The following SPAG17 variants were observed in gnomAD, a reference collection of about 807,000 sequenced individuals.
The protein encoded by SPAG17 is sperm-associated antigen 17.
In SPAG17, 169 loss-of-function variants were observed where a neutral mutation model predicts 273.6. That is an observed-to-expected ratio of 0.62 (90% CI 0.55 to 0.70). The LOEUF (loss-of-function observed/expected upper bound fraction) is 0.70, where lower values mean the gene tolerates loss of function less well. Ranked by LOEUF, SPAG17 falls within the 30% of genes least tolerant of loss-of-function variation. SPAG17 has a pLI of 0.00. For synonymous variants in SPAG17, 825 were observed against 873.2 expected, an observed-to-expected ratio of 0.94 and a Z score of 0.97; for missense variants, 2,557 against 2,627.8, an observed-to-expected ratio of 0.97 and a Z score of 0.59.
At chr1:118,116,665 A>G (rs1050898887) in intron 3 of SPAG17, among the ~76,000 whole-genome samples, 2 of 152,202 alleles carry the variant, frequency 1.3e-5, no homozygotes, top group Non-Finnish European at 2.9e-5. Context: ...ATGGATTACC[A>G]TGTGCCAAAA....
At chr1:118,056,215 T>C (rs1470084240) in intron 18 of SPAG17, among the ~76,000 whole-genome samples, 1 of 152,148 alleles carries the variant, frequency 6.6e-6, no homozygotes, top group Non-Finnish European at 1.5e-5. Context: ...GAAGGATTAA[T>C]AAGTTTAATA....
chr1:117,954,919 A>G (rs569701320), intron 48 of SPAG17, among the ~76,000 whole-genome samples: 2 of 152,140 alleles, frequency 1.3e-5, no homozygotes, highest in Non-Finnish European at 2.9e-5. Flanking sequence ...AATCTAAATT[A>G]ACTTTTGAAT....
At position 118,025,294 on chromosome 1, in the gene SPAG17, T is replaced by C; in HGVS notation, c.3853A>G (p.Arg1285Gly). 6.2e-7 allele frequency: 1 copy of C among 1,613,790 alleles called. No homozygotes were observed. Residue 1285 changes from arginine to glycine, a missense_variant, in exon 27 of 49, where the codon AGG becomes GGG. Transcript: ENST00000336338. ...VMPPAEQEAS[R>G]VITSQGTVVK... ...ACAGTGCCTTGACTGGTGATAACCC[T>C]TGAAGCCTCCTGCTCTGCGGGTGGC... is the stretch of plus-strand genomic sequence containing the variant.
At chr1:118,045,198 A>AG (rs1277389564) in intron 20 of SPAG17, among the ~76,000 whole-genome samples, 1 of 152,182 alleles carries the variant, frequency 6.6e-6, no homozygotes, top group East Asian at 1.9e-4. Context: ...AAGTGATAGG[A>AG]GCATCTTTTG....
chr1:117,971,717 G>C, intron 45 of SPAG17, 146 bp downstream of exon 45: 1 of 576,326 alleles, frequency 1.7e-6, no homozygotes, highest in South Asian at 3.4e-5. Context: ...GAATGAGTTA[G>C]TGTGTAAATG....
intron 43 of SPAG17, among the ~76,000 whole-genome samples, chr1:117,980,840 A>G (rs1655719941): frequency 6.6e-6 from 1 of 152,182 alleles, no homozygotes; most frequent in Admixed American, 6.5e-5. Context: ...TAAGATAGAG[A>G]CTACATCTTA....
chr1:118,124,643 A>G (rs1657602764), intron 3 of SPAG17, among the ~76,000 whole-genome samples: 1 of 152,228 alleles, frequency 6.6e-6, no homozygotes, highest in East Asian at 1.9e-4. Context: ...GTTATGTAGC[A>G]CACACCCTGT....
chr1:118,061,487 G>T (rs1652289463), intron 18 of SPAG17, among the ~76,000 whole-genome samples: 2 of 152,176 alleles, frequency 1.3e-5, no homozygotes, highest in South Asian at 4.1e-4. Context: ...ATCTAAAACA[G>T]TCAAATTCAT....
chr1:118,133,491 A>G (rs1301637735), intron 3 of SPAG17, among the ~76,000 whole-genome samples: 2 of 152,140 alleles, frequency 1.3e-5, no homozygotes. Context: ...AAGATCTGGA[A>G]TTGGCATTTT....
At position 117,996,359 on chromosome 1, in the gene SPAG17, G is replaced by A. The variant is rs1438087511; in HGVS notation, c.5053+11C>T. ...AGACACCGTGCATTCCAGACAGTAT[G>A]GGTCCTCTACCTGGCTGTTCCTGCA... is the stretch of plus-strand genomic sequence containing the variant. On this transcript the variant is annotated intron_variant, in intron 34 of 48. Coordinates refer to ENST00000336338, the MANE Select transcript of SPAG17 (RefSeq NM_206996.4). The A allele has an allele frequency of 6.2e-7, 1 of 1,608,922 alleles. No individual in the cohort carries two copies.
chr1:118,135,395 G>A (rs990137350), intron 3 of SPAG17, among the ~76,000 whole-genome samples: 8 of 150,756 alleles, frequency 5.3e-5, no homozygotes, highest in East Asian at 1.9e-4. Context: ...GTGTGTGTGT[G>A]TGTGTGTGTG....
chr1:118,055,769 A>G lies in SPAG17; in HGVS notation c.2686T>C (p.Ser896Pro), dbSNP rs144274354. ...TTAATGGAAAAAATTTTGCTAGCAG[A>G]AGTAAGTTTGGCATTAGCAGAAGAT... ...LKSSANAKLT[S>P]ASKIFSIKES... The change falls in exon 19 of 49, where the codon TCT becomes CCT. Residue 896 changes from serine to proline, a missense_variant. Physicochemically the swap from Ser to Pro is moderately conservative, Grantham distance 74. Coordinates refer to ENST00000336338, the MANE Select transcript of SPAG17 (RefSeq NM_206996.4). The G allele has an allele frequency of 3.1e-6, 5 of 1,612,532 alleles. No homozygotes were observed. In the African/African-American group the frequency reaches 6.7e-5, roughly 22 times the overall value.
chr1:118,021,792 C>A (rs1236891947), intron 28 of SPAG17, among the ~76,000 whole-genome samples: 2 of 152,102 alleles, frequency 1.3e-5, no homozygotes, highest in African/African-American at 2.4e-5. Flanking sequence ...AGAAGTCCTC[C>A]AGAACCAGGG....
intron 3 of SPAG17, among the ~76,000 whole-genome samples, chr1:118,132,188 G>A (rs987704133): frequency 2.0e-5 from 3 of 152,176 alleles, no homozygotes. Flanking sequence ...TCACTCCTGA[G>A]TTGAAATGTG....
intron 48 of SPAG17, 95 bp from the exon 49 acceptor site, chr1:117,954,144 C>A (rs1222078233): frequency 6.6e-6 from 10 of 1,511,338 alleles, no homozygotes; most frequent in South Asian, 1.2e-5. Flanking sequence ...AAAGGGAATT[C>A]CCAAGGAGAA....
intron 43 of SPAG17, among the ~76,000 whole-genome samples, chr1:117,974,160 T>C (rs973779839): frequency 6.6e-6 from 1 of 152,224 alleles, no homozygotes; most frequent in African/African-American, 2.4e-5. Flanking sequence ...TAGAACAATT[T>C]CTTTTTCTGT....
chr1:118,036,557 G>C (rs1320837721), intron 24 of SPAG17: 1 of 285,190 alleles, frequency 3.5e-6, no homozygotes, highest in Non-Finnish European at 6.2e-6. Flanking sequence ...TTGTATCTAT[G>C]TATAAAAGAT....
intron 20 of SPAG17, among the ~76,000 whole-genome samples, chr1:118,049,469 A>G (rs913814158): frequency 6.6e-6 from 1 of 152,236 alleles, no homozygotes; most frequent in African/African-American, 2.4e-5. Context: ...GAAAGATAAA[A>G]ATCACATGGT....
At chr1:117,971,355 G>C (rs910725664) in intron 45 of SPAG17, among the ~76,000 whole-genome samples, 1 of 152,210 alleles carries the variant, frequency 6.6e-6, no homozygotes, top group African/African-American at 2.4e-5. Flanking sequence ...GCCTCTGCTA[G>C]CTGACAAGAT....
Sources: gnomAD v4.1 joint callset for allele counts (sites outside exome capture counted in the v4.1 genomes callset) on GRCh38, gnomAD v4.1.1 for gene constraint, MANE v1.5 for transcripts, NCBI Gene and HGNC (gene_info 2026-07-23, HGNC 2026-07-21) for gene names.